Variants in ATOSA observed in about 807,000 individuals in gnomAD.
ATOSA encodes atos homolog protein A.
At chr15:52,691,306 A>G in the ATOSA span, among the ~76,000 whole-genome samples, 3 of 152,206 alleles carry the variant, frequency 2.0e-5, no homozygotes, top group Non-Finnish European at 4.4e-5. Flanking sequence ...ATTGGTTGCT[A>G]TAGTACTGCT....
the ATOSA span, among the ~76,000 whole-genome samples, chr15:52,583,073 T>C: frequency 6.6e-6 from 1 of 152,366 alleles, no homozygotes; most frequent in African/African-American, 2.4e-5. Context: ...CAGCTCTGTA[T>C]GTTAAAACAG....
the ATOSA span, among the ~76,000 whole-genome samples, chr15:52,655,900 C>T: frequency 6.6e-6 from 1 of 152,092 alleles, no homozygotes; most frequent in Non-Finnish European, 1.5e-5. Flanking sequence ...TGGGAATAAT[C>T]ATTTCTCTAA....
the ATOSA span, among the ~76,000 whole-genome samples, chr15:52,645,351 ATT>A: frequency 6.6e-6 from 1 of 152,312 alleles, no homozygotes; most frequent in South Asian, 2.1e-4. Flanking sequence ...AGGCGGTAGG[ATT>A]GCTTGAACCT....
chr15:52,669,418 A>G, the ATOSA span, among the ~76,000 whole-genome samples: 2 of 152,354 alleles, frequency 1.3e-5, no homozygotes, highest in Admixed American at 6.5e-5. Context: ...ATCAAGGGCT[A>G]AAATTATACA....
chr15:52,691,760 G>C, the ATOSA span, among the ~76,000 whole-genome samples: 3 of 152,022 alleles, frequency 2.0e-5, no homozygotes, highest in Non-Finnish European at 4.4e-5. Flanking sequence ...ACTTGAGCCC[G>C]GGGGGTCAAG....
At chr15:52,651,097 C>T in the ATOSA span, among the ~76,000 whole-genome samples, 1 of 152,130 alleles carries the variant, frequency 6.6e-6, no homozygotes, top group Non-Finnish European at 1.5e-5. Flanking sequence ...TAAGATTTGA[C>T]TATATTTGAA....
At chr15:52,586,144 C>T in the ATOSA span, 6 of 152,208 alleles carry the variant, frequency 3.9e-5, no homozygotes, top group African/African-American at 7.2e-5. Context: ...GCTGCATAGC[C>T]GAAGGCAAGA....
the ATOSA span, among the ~76,000 whole-genome samples, chr15:52,663,786 A>AT: frequency 5.3e-5 from 8 of 150,500 alleles, no homozygotes; most frequent in African/African-American, 9.8e-5. Context: ...AGCCCAGCTA[A>AT]TTTTTTTTTT....
At chr15:52,614,041 A>T in the ATOSA span, 24 of 581,640 alleles carry the variant, frequency 4.1e-5, 1 homozygote, top group South Asian at 4.1e-4. Flanking sequence ...TGAGGAGATG[A>T]TGGATAATTC....
chr15:52,666,385 C>T, the ATOSA span, among the ~76,000 whole-genome samples: 11 of 152,112 alleles, frequency 7.2e-5, no homozygotes, highest in African/African-American at 2.4e-5. Context: ...TCCAGAACCT[C>T]GCACAATACC....
the ATOSA span, among the ~76,000 whole-genome samples, chr15:52,666,366 C>A: frequency 6.6e-6 from 1 of 152,206 alleles, no homozygotes; most frequent in Non-Finnish European, 1.5e-5. Flanking sequence ...ACTTATTCAT[C>A]TGTATGTTTC....
the ATOSA span, among the ~76,000 whole-genome samples, chr15:52,600,576 T>C: frequency 6.6e-6 from 1 of 152,194 alleles, no homozygotes; most frequent in African/African-American, 2.4e-5. Flanking sequence ...TTTCTTTATA[T>C]TTTATATTTT....
the ATOSA span, among the ~76,000 whole-genome samples, chr15:52,607,138 A>G: frequency 2.4e-3 from 373 of 152,340 alleles, 2 homozygotes; most frequent in African/African-American, 8.8e-3. Flanking sequence ...ACAGGTTTTT[A>G]TAAGTAATAC....
chr15:52,624,780 A>AT, the ATOSA span, among the ~76,000 whole-genome samples: 90,596 of 141,974 alleles, frequency 0.64, 30,868 homozygotes, highest in Non-Finnish European at 0.78. Flanking sequence ...GTACCTGCTT[A>AT]TTTTTTTTTT....
the ATOSA span, among the ~76,000 whole-genome samples, chr15:52,584,161 T>G: frequency 4.7e-5 from 7 of 149,506 alleles, no homozygotes; most frequent in African/African-American, 1.7e-4. Context: ...TTTTTTTTTT[T>G]GAGATGGAGT....
At chr15:52,702,202 C>T in the ATOSA span, among the ~76,000 whole-genome samples, 1 of 152,140 alleles carries the variant, frequency 6.6e-6, no homozygotes, top group Non-Finnish European at 1.5e-5. Context: ...GTGGAAAGCA[C>T]TTTGGAGATT....
chr15:52,647,909 C>T, the ATOSA span, among the ~76,000 whole-genome samples: 2 of 152,276 alleles, frequency 1.3e-5, no homozygotes, highest in East Asian at 3.9e-4. Context: ...AGATATTTAG[C>T]CATGCACTTA....
At chr15:52,701,725 A>G in the ATOSA span, among the ~76,000 whole-genome samples, 1 of 152,250 alleles carries the variant, frequency 6.6e-6, no homozygotes, top group Non-Finnish European at 1.5e-5. Context: ...CATCATAAGA[A>G]TCTAAAATTG....
At chr15:52,700,755 A>T in the ATOSA span, among the ~76,000 whole-genome samples, 3 of 151,310 alleles carry the variant, frequency 2.0e-5, no homozygotes, top group African/African-American at 7.3e-5. Context: ...AGCAAAATAA[A>T]CTCCTTGTTT....
Sources: gnomAD v4.1 joint callset for allele counts (sites outside exome capture counted in the v4.1 genomes callset) on GRCh38, gnomAD v4.1.1 for gene constraint, MANE v1.5 for transcripts, NCBI Gene and HGNC (gene_info 2026-07-23, HGNC 2026-07-21) for gene names.